GRB10: variants seen among roughly 807,000 people sequenced by gnomAD.
The protein encoded by GRB10 is growth factor receptor-bound protein 10.
Under a neutral mutation model 80.9 loss-of-function variants are expected in GRB10, and 20 were observed. That is an observed-to-expected ratio of 0.25 (90% CI 0.17 to 0.36). The LOEUF (loss-of-function observed/expected upper bound fraction) is 0.36, where lower values mean the gene tolerates loss of function less well. Among genes scored for constraint, GRB10 ranks in the 10% least tolerant of loss-of-function variants. The pLI is 1.00. For synonymous variants in GRB10, 291 were observed against 291.5 expected (o/e 1.00, Z 0.02); for missense variants, 548 against 747.7 (o/e 0.73, Z 3.12).
chr7:50,669,038 A>C (rs1305517526), intron 7 of GRB10, among the ~76,000 whole-genome samples: 4 of 152,020 alleles, frequency 2.6e-5, no homozygotes, highest in Non-Finnish European at 5.9e-5. Context: ...AAACTCTTCA[A>C]CTCCTGTGTA....
At chr7:50,603,581 T>C (rs1377572877) in intron 17 of GRB10, among the ~76,000 whole-genome samples, 1 of 152,194 alleles carries the variant, frequency 6.6e-6, no homozygotes, top group East Asian at 1.9e-4. Flanking sequence ...CCAACAATGA[T>C]ACGTAATTTA....
At chr7:50,618,171 A>G (rs757786486) in intron 9 of GRB10, 32 bp from the exon 10 acceptor site, 9 of 1,543,458 alleles carry the variant, frequency 5.8e-6, no homozygotes. Flanking sequence ...AATACGTAAA[A>G]GGTTAGCTTC....
At chr7:50,602,376 A>G (rs1002938480) in intron 17 of GRB10, among the ~76,000 whole-genome samples, 5 of 152,144 alleles carry the variant, frequency 3.3e-5, no homozygotes, top group African/African-American at 9.7e-5. Flanking sequence ...ACCACTAAAC[A>G]GCAACCAGGC....
intron 7 of GRB10, among the ~76,000 whole-genome samples, chr7:50,652,750 C>A (rs185853048): frequency 1.3e-5 from 2 of 152,312 alleles, no homozygotes; most frequent in Non-Finnish European, 2.9e-5. Flanking sequence ...TTCGCTGAGA[C>A]GGCAGATTTT....
rs781386625 is a variant in GRB10 at position 50,703,887 on chromosome 7, G to A, written c.73C>T (p.Arg25Cys). The A allele has an allele frequency of 9.3e-6, 15 of 1,613,036 alleles. No homozygotes were observed. The highest frequency in any genetic ancestry group is 4.0e-5 in the African/African-American group (3 of 74,892). ...GGTCCTGCCGGGTCTTGTTGACTGC[G>A]AGGTGTCTGCTCCACCTTGTCCTAA... The part of the protein sequence containing the change: ...YYQDKVEQTP[R>C]SQQDPAGPGL... Residue 25 changes from arginine (R) to cysteine (C), a missense_variant, in exon 5 of 19, where the codon CGC becomes TGC. Coordinates refer to ENST00000401949, the MANE Select transcript of GRB10 (RefSeq NM_001350814.2).
intron 5 of GRB10, among the ~76,000 whole-genome samples, chr7:50,680,412 G>T (rs2061410270): frequency 6.6e-6 from 1 of 152,196 alleles, no homozygotes; most frequent in Admixed American, 6.5e-5. Flanking sequence ...TAGTAATTGA[G>T]AAAACACATA....
At chr7:50,790,826 A>C (rs903662796) in intron 1 of GRB10, among the ~76,000 whole-genome samples, 36 of 152,238 alleles carry the variant, frequency 2.4e-4, no homozygotes. Flanking sequence ...GGCACAATAG[A>C]TGACTGTGTT....
chr7:50,715,492 A>G (rs929302435), intron 4 of GRB10, among the ~76,000 whole-genome samples: 1 of 152,220 alleles, frequency 6.6e-6, no homozygotes, highest in Non-Finnish European at 1.5e-5. Context: ...GCTGTGGGCC[A>G]TAAGAAACAG....
intron 5 of GRB10, among the ~76,000 whole-genome samples, chr7:50,680,981 A>G (rs996943168): frequency 2.6e-5 from 4 of 152,282 alleles, no homozygotes; most frequent in Admixed American, 2.6e-4. Context: ...CTACTCAACA[A>G]TTCTACAGAT....
At chr7:50,774,816 A>G (rs916402829) in intron 2 of GRB10, among the ~76,000 whole-genome samples, 1 of 152,042 alleles carries the variant, frequency 6.6e-6, no homozygotes, top group African/African-American at 2.4e-5. Context: ...TCTAAATCAG[A>G]CATGTGAGAC....
intron 4 of GRB10, among the ~76,000 whole-genome samples, chr7:50,713,614 T>A: frequency 8.9e-6 from 1 of 111,782 alleles, no homozygotes; most frequent in Admixed American, 9.0e-5. Flanking sequence ...CACCATCACC[T>A]CCACCTCCTC....
intron 5 of GRB10, among the ~76,000 whole-genome samples, chr7:50,679,076 A>G (rs924454282): frequency 6.6e-6 from 1 of 152,240 alleles, no homozygotes; most frequent in Middle Eastern, 3.2e-3. Flanking sequence ...TTCTGCACAA[A>G]TATAGGTCAA....
intron 4 of GRB10, among the ~76,000 whole-genome samples, chr7:50,715,974 A>G (rs1309522005): frequency 6.6e-6 from 1 of 152,234 alleles, no homozygotes; most frequent in Non-Finnish European, 1.5e-5. Context: ...TCTCCCTTCC[A>G]GGCAGAGCCT....
At chr7:50,785,444 C>A (rs1209561062), upstream of GRB10, among the ~76,000 whole-genome samples, 1 of 152,248 alleles carries the variant, frequency 6.6e-6, no homozygotes, top group Non-Finnish European at 1.5e-5. Context: ...CCTACCAGGG[C>A]TCTGAAGAGC....
At chr7:50,641,281 G>A (rs1001919498) in intron 7 of GRB10, among the ~76,000 whole-genome samples, 2 of 151,686 alleles carry the variant, frequency 1.3e-5, no homozygotes, top group South Asian at 2.1e-4. Flanking sequence ...AAAAAAGGTG[G>A]GGGGGTAGCC....
At chr7:50,604,549 C>A (rs750568793) in intron 15 of GRB10, among the ~76,000 whole-genome samples, 172 bp from the exon 16 acceptor site, 8 of 152,096 alleles carry the variant, frequency 5.3e-5, no homozygotes, top group Admixed American at 6.5e-5. Flanking sequence ...CTCAGGGTTC[C>A]CAGTTGTTAA....
intron 17 of GRB10, among the ~76,000 whole-genome samples, chr7:50,603,296 C>T (rs2047936592): frequency 6.6e-6 from 1 of 152,208 alleles, no homozygotes; most frequent in Admixed American, 6.5e-5. Context: ...GTGGCTGGCT[C>T]CTTCCCAGGG....
intron 4 of GRB10, among the ~76,000 whole-genome samples, chr7:50,704,369 T>C (rs1463847495): frequency 6.6e-6 from 1 of 152,242 alleles, no homozygotes; most frequent in African/African-American, 2.4e-5. Flanking sequence ...GGCATTTTTT[T>C]AGACATTAGT....
intron 3 of GRB10, among the ~76,000 whole-genome samples, chr7:50,741,613 A>C (rs1467615600): frequency 6.6e-6 from 1 of 152,108 alleles, no homozygotes; most frequent in Non-Finnish European, 1.5e-5. Context: ...CTCTGGCCTA[A>C]ATAAGTGGTT....
Sources: gnomAD v4.1 joint callset for allele counts (sites outside exome capture counted in the v4.1 genomes callset) on GRCh38, gnomAD v4.1.1 for gene constraint, MANE v1.5 for transcripts, NCBI Gene and HGNC (gene_info 2026-07-23, HGNC 2026-07-21) for gene names.